The following LINGO2 variants were observed in gnomAD, a reference collection of about 807,000 sequenced individuals.
LINGO2 encodes leucine-rich repeat and immunoglobulin-like domain-containing nogo receptor-interacting protein 2.
In LINGO2, 14 loss-of-function variants were observed where a neutral mutation model predicts 30.6. That is an observed-to-expected ratio of 0.46 (90% CI 0.30 to 0.72). LINGO2 has a LOEUF of 0.72. Ranked by LOEUF, LINGO2 falls within the 30% of genes least tolerant of loss-of-function variation. The pLI is 0.07. For synonymous variants in LINGO2, 317 were observed against 288.5 expected, an observed-to-expected ratio of 1.10 and a Z score of -1.00; for missense variants, 729 against 751.7, an observed-to-expected ratio of 0.97 and a Z score of 0.35.
chr9:28,525,882 C>T (rs1378873052), intron 1 of LINGO2, among the ~76,000 whole-genome samples: 10 of 151,948 alleles, frequency 6.6e-5, no homozygotes, highest in Non-Finnish European at 5.9e-5. Context: ...GGTGAAACCC[C>T]GTCTCTACTA....
intron 1 of LINGO2, among the ~76,000 whole-genome samples, chr9:28,485,167 T>G (rs947090630): frequency 2.0e-5 from 3 of 152,166 alleles, no homozygotes; most frequent in Admixed American, 6.6e-5. Context: ...CTGTCTTTGA[T>G]TACAATTTGA....
At chr9:28,582,668 C>T (rs762212662) in intron 1 of LINGO2, among the ~76,000 whole-genome samples, 4 of 152,058 alleles carry the variant, frequency 2.6e-5, no homozygotes, top group Non-Finnish European at 5.9e-5. Context: ...TCCATCAATT[C>T]TTGAACAGCA....
the LINGO2 span, among the ~76,000 whole-genome samples, chr9:28,896,468 C>G: frequency 2.1e-5 from 2 of 94,264 alleles, 1 homozygote; most frequent in Non-Finnish European, 4.5e-5. Context: ...TATGCACAAG[C>G]TAGAATATGA....
At chr9:28,972,207 TA>T in the LINGO2 span, among the ~76,000 whole-genome samples, 1 of 152,212 alleles carries the variant, frequency 6.6e-6, no homozygotes, top group Non-Finnish European at 1.5e-5. Flanking sequence ...GTAAACACTG[TA>T]ATATATGCCT....
intron 2 of LINGO2, among the ~76,000 whole-genome samples, chr9:28,419,910 C>T (rs541123125): frequency 2.6e-5 from 4 of 151,794 alleles, no homozygotes; most frequent in African/African-American, 9.7e-5. Flanking sequence ...AAAAGGTTGG[C>T]AAATTATAAT....
At chr9:28,232,581 C>A in intron 4 of LINGO2, among the ~76,000 whole-genome samples, 1 of 152,130 alleles carries the variant, frequency 6.6e-6, no homozygotes, top group Non-Finnish European at 1.5e-5. Flanking sequence ...ATGTAACGAG[C>A]ACCTCACATA....
chr9:29,181,325 A>T, the LINGO2 span, among the ~76,000 whole-genome samples: 1 of 152,192 alleles, frequency 6.6e-6, no homozygotes, highest in Non-Finnish European at 1.5e-5. Flanking sequence ...ATTCTAACAC[A>T]AAGTGACTTT....
chr9:29,167,059 C>T, the LINGO2 span, among the ~76,000 whole-genome samples: 2 of 151,750 alleles, frequency 1.3e-5, no homozygotes, highest in African/African-American at 4.8e-5. Context: ...TAAAGAAATC[C>T]AAAATATACA....
the LINGO2 span, among the ~76,000 whole-genome samples, chr9:28,984,866 G>A: frequency 6.6e-6 from 1 of 151,906 alleles, no homozygotes; most frequent in Admixed American, 6.6e-5. Context: ...TATTTTTGTA[G>A]TGAGAACATT....
At chr9:28,397,372 T>TATAC (rs1554716182) in intron 2 of LINGO2, among the ~76,000 whole-genome samples, 6,049 of 128,708 alleles carry the variant, frequency 0.047, 353 homozygotes, top group African/African-American at 0.14. Flanking sequence ...TATATATATA[T>TATAC]ACATATATAT....
chr9:28,545,168 A>G (rs773597699), intron 1 of LINGO2, among the ~76,000 whole-genome samples: 13 of 152,044 alleles, frequency 8.6e-5, no homozygotes, highest in Non-Finnish European at 1.8e-4. Context: ...GCCTTACATC[A>G]TATTGTATAA....
the LINGO2 span, among the ~76,000 whole-genome samples, chr9:29,050,740 C>T: frequency 6.6e-6 from 1 of 152,108 alleles, no homozygotes; most frequent in Non-Finnish European, 1.5e-5. Flanking sequence ...GTCAGCATTG[C>T]TGCAACAGTT....
intron 1 of LINGO2, among the ~76,000 whole-genome samples, chr9:28,647,550 T>C (rs1827895880): frequency 1.3e-5 from 2 of 152,064 alleles, no homozygotes; most frequent in African/African-American, 4.8e-5. Context: ...GAAAATGACA[T>C]ATTTTTTCCT....
chr9:28,885,408 CATAG>C, the LINGO2 span, among the ~76,000 whole-genome samples: 33 of 32,722 alleles, frequency 1.0e-3, no homozygotes, highest in South Asian at 7.8e-3. Flanking sequence ...TACATATATA[CATAG>C]ATATATATAC....
the LINGO2 span, among the ~76,000 whole-genome samples, chr9:29,140,359 G>A: frequency 6.6e-6 from 1 of 151,684 alleles, no homozygotes; most frequent in Admixed American, 6.6e-5. Flanking sequence ...ATATTAAAAA[G>A]AACAAAATTT....
chr9:27,939,108 A>G, the LINGO2 span: 5 of 152,178 alleles, frequency 3.3e-5, no homozygotes, highest in Admixed American at 3.3e-4. Context: ...TATTAGAGGC[A>G]GTGTGATATG....
At chr9:28,012,429 G>A (rs79927590) in intron 4 of LINGO2, 1 of 148,836 alleles carries the variant, frequency 6.7e-6, no homozygotes, top group Non-Finnish European at 1.5e-5. Context: ...AAAAAAAAAA[G>A]TTAATCAAAG....
At chr9:28,065,330 G>A (rs1234345177) in intron 4 of LINGO2, among the ~76,000 whole-genome samples, 1 of 151,920 alleles carries the variant, frequency 6.6e-6, no homozygotes, top group Non-Finnish European at 1.5e-5. Flanking sequence ...AACAATGTCT[G>A]GTACCAAGCA....
chr9:29,152,379 T>G, the LINGO2 span, among the ~76,000 whole-genome samples: 1 of 152,194 alleles, frequency 6.6e-6, no homozygotes, highest in African/African-American at 2.4e-5. Flanking sequence ...ATTGCAGCAC[T>G]ATTCACAATA....
Sources: gnomAD v4.1 joint callset for allele counts (sites outside exome capture counted in the v4.1 genomes callset) on GRCh38, gnomAD v4.1.1 for gene constraint, MANE v1.5 for transcripts, NCBI Gene and HGNC (gene_info 2026-07-23, HGNC 2026-07-21) for gene names.